SPTBN4: variants seen among roughly 807,000 people sequenced by gnomAD.
The protein encoded by SPTBN4 is spectrin beta chain, non-erythrocytic 4.
Under a neutral mutation model 277.8 loss-of-function variants are expected in SPTBN4, and 96 were observed. That is an observed-to-expected ratio of 0.35 (90% CI 0.29 to 0.41). SPTBN4 has a LOEUF of 0.41. SPTBN4 is among the 10% of genes least tolerant of loss of function. The probability of loss-of-function intolerance (pLI) is 1.00; values close to 1 mark genes in which losing one functional copy is unlikely to be tolerated. For synonymous variants in SPTBN4, 1,481 were observed against 1,580.3 expected (o/e 0.94, Z 1.49); for missense variants, 3,006 against 3,595.7 (o/e 0.84, Z 4.19).
intron 20 of SPTBN4, 80 bp from the exon 21 acceptor site, chr19:40,549,108 TG>T: frequency 8.2e-7 from 1 of 1,217,372 alleles, no homozygotes; most frequent in East Asian, 2.7e-5. Context: ...GGGGTCTGGC[TG>T]TCACCATAAG....
intron 17 of SPTBN4, among the ~76,000 whole-genome samples, chr19:40,526,861 T>C (rs2145887963): frequency 6.6e-6 from 1 of 152,332 alleles, no homozygotes; most frequent in East Asian, 1.9e-4. Context: ...AGTGCTCGGA[T>C]TACAGGCGTG....
At chr19:40,474,181 AG>A (rs2079921109) in intron 2 of SPTBN4, among the ~76,000 whole-genome samples, 2 of 120,874 alleles carry the variant, frequency 1.7e-5, no homozygotes, top group African/African-American at 2.9e-5. Context: ...AAAAAAAAAG[AG>A]CTTTGGAAAT....
At chr19:40,533,958 TC>T in intron 19 of SPTBN4, 121 bp from the exon 20 acceptor site, 1 of 1,280,312 alleles carries the variant, frequency 7.8e-7, no homozygotes, top group Non-Finnish European at 1.1e-6. Context: ...TGTCTCCCAC[TC>T]CCTGCCTCTG....
chr19:40,486,620 G>A (rs2080075344), intron 2 of SPTBN4, among the ~76,000 whole-genome samples: 1 of 151,974 alleles, frequency 6.6e-6, no homozygotes, highest in Admixed American at 6.6e-5. Context: ...CAATCCACCC[G>A]CCTTGGCTTC....
intron 24 of SPTBN4, among the ~76,000 whole-genome samples, chr19:40,555,564 C>T (rs1023933755): frequency 9.3e-5 from 14 of 150,908 alleles, no homozygotes; most frequent in Non-Finnish European, 2.1e-4. Context: ...TGAGCTTATC[C>T]ATTTAGGGAA....
intron 12 of SPTBN4, 60 bp downstream of exon 12, chr19:40,504,192 G>T: frequency 6.6e-7 from 1 of 1,518,768 alleles, no homozygotes; most frequent in Non-Finnish European, 8.9e-7. Flanking sequence ...GGATGCAGAC[G>T]CTGAAAGAGT....
intron 27 of SPTBN4, among the ~76,000 whole-genome samples, chr19:40,563,757 G>A (rs189731541): frequency 1.5e-5 from 2 of 131,528 alleles, no homozygotes; most frequent in African/African-American, 5.8e-5. Context: ...CTATTAATGA[G>A]GCCAGGCGCA....
chr19:40,552,014 G>A (rs1017289049), intron 22 of SPTBN4, among the ~76,000 whole-genome samples: 1 of 150,302 alleles, frequency 6.7e-6, no homozygotes, highest in Non-Finnish European at 1.5e-5. Flanking sequence ...AAAAAACATC[G>A]ATTAAAGATT....
intron 2 of SPTBN4, among the ~76,000 whole-genome samples, chr19:40,486,394 G>A (rs1256838286): frequency 6.6e-6 from 1 of 150,924 alleles, no homozygotes; most frequent in East Asian, 1.9e-4. Flanking sequence ...TTTTGAGACA[G>A]GGTCTGGCTC....
At chr19:40,480,453 C>G (rs1275979202) in intron 2 of SPTBN4, among the ~76,000 whole-genome samples, 1 of 152,034 alleles carries the variant, frequency 6.6e-6, no homozygotes, top group Admixed American at 6.6e-5. Flanking sequence ...CATATGACAG[C>G]TCCAGAAAAG....
At chr19:40,561,328 GT>G (rs2081040544) in intron 27 of SPTBN4, among the ~76,000 whole-genome samples, 2 of 152,174 alleles carry the variant, frequency 1.3e-5, no homozygotes, top group Non-Finnish European at 2.9e-5. Flanking sequence ...TGGAAATTTA[GT>G]TTCATGGTGT....
At chr19:40,472,415 G>T (rs1003522266) in intron 1 of SPTBN4, among the ~76,000 whole-genome samples, 192 bp from the exon 2 acceptor site, 1 of 151,952 alleles carries the variant, frequency 6.6e-6, no homozygotes, top group Admixed American at 6.6e-5. Flanking sequence ...GGGCTCAAGC[G>T]ATTCTCCTGC....
chr19:40,574,154 T>A (rs2081180183), intron 35 of SPTBN4, among the ~76,000 whole-genome samples: 1 of 151,736 alleles, frequency 6.6e-6, no homozygotes, highest in South Asian at 2.1e-4. Context: ...CAAAAAAAGA[T>A]TCCTTTGGCT....
In SPTBN4 at chr19:40,502,515, CG is replaced by C. The variant is rs1035876261; in HGVS notation, c.1203+12del. 1.2e-6 allele frequency: 2 copies of C among 1,607,350 alleles called. No individual in the cohort carries two copies. The highest frequency in any genetic ancestry group is 1.7e-6 in the Non-Finnish European group (2 of 1,177,176). ...ATCTGGGATATTGACAAGGTGAGGCCGGGGATGCAGGGGAGAGGCGGGGTTG... is the reference window on the plus strand; with the variant it reads ...ATCTGGGATATTGACAAGGTGAGGCCGGGATGCAGGGGAGAGGCGGGGTTG... On this transcript the variant is annotated intron_variant, in intron 10 of 35. Transcript: ENST00000598249. This position sits in a 1 kb window ranked among gnomAD's most constrained non-coding sequence, Gnocchi z 4.9.
At chr19:40,527,362 C>T (rs2145888687) in intron 17 of SPTBN4, among the ~76,000 whole-genome samples, 1 of 152,164 alleles carries the variant, frequency 6.6e-6, no homozygotes, top group African/African-American at 2.4e-5. Context: ...TACTGTATGC[C>T]AAGCCCTTTT....
chr19:40,554,141 C>T lies in SPTBN4; in HGVS notation c.4675-6C>T, dbSNP rs1445998700. On this transcript the variant is annotated splice_region_variant and splice_polypyrimidine_tract_variant and intron_variant, in intron 22 of 35. Transcript: ENST00000598249. This position sits in a 1 kb window ranked among gnomAD's most constrained non-coding sequence, Gnocchi z 5.7. Reference sequence around the variant, plus strand: ...CCACCCACATCCCCTTACCTCCTGCCCCCAGGGCCTGCGGCGGGAGATCCA... The same window carrying T: ...CCACCCACATCCCCTTACCTCCTGCTCCCAGGGCCTGCGGCGGGAGATCCA... 7 of 1,440,922 alleles carry T rather than the reference C, an allele frequency of 4.9e-6. No homozygotes were observed. Among genetic ancestry groups the T allele is most frequent in the East Asian group, 2.7e-5 (1 of 37,408 alleles). The allele number at this position is 1,440,922 out of a possible 1,614,324, so 89.3% of individuals were successfully genotyped here.
At chr19:40,499,836 C>T (rs1180428476) in intron 7 of SPTBN4, among the ~76,000 whole-genome samples, 4 of 152,074 alleles carry the variant, frequency 2.6e-5, no homozygotes, top group Admixed American at 6.6e-5. Flanking sequence ...CCTCTTATAG[C>T]TGTATCCTGT....
Position 40,568,214 on chromosome 19 carries a change from T to C in SPTBN4, c.6888T>C (p.Arg2296=), listed in dbSNP as rs573784433. ...AGATGGAGCGGCGGCGCGAGCGGCG[T>C]GAGCGGCGCTTGGAGCGGCAGGAGT... ...YEQMERRRER[R]ERRLERQESS... Residue 2296 remains arginine, a synonymous_variant, in exon 31 of 36, where the codon CGT becomes CGC. Transcript: ENST00000598249. 1.9e-6 allele frequency: 3 copies of C among 1,601,828 alleles called. No homozygotes were observed. Among genetic ancestry groups the C allele is most frequent in the East Asian group, 2.3e-5 (1 of 44,228 alleles).
intron 6 of SPTBN4, among the ~76,000 whole-genome samples, chr19:40,495,626 C>T (rs2080187984): frequency 6.6e-6 from 1 of 151,816 alleles, no homozygotes; most frequent in Non-Finnish European, 1.5e-5. Flanking sequence ...CCAGCCTGGG[C>T]AACAGAGTGA....
Sources: allele counts gnomAD v4.1 joint callset (sites outside exome capture counted in the v4.1 genomes callset), GRCh38; gene constraint gnomAD v4.1.1; non-coding constraint Gnocchi (gnomAD v3.1); transcripts MANE v1.5; gene names NCBI Gene and HGNC (gene_info 2026-07-23, HGNC 2026-07-21).